Variants in DCLK1 observed in about 807,000 individuals in gnomAD.
DCLK1 encodes the protein serine/threonine-protein kinase DCLK1.
DCLK1 carries 16 observed loss-of-function variants against 86.2 expected under a neutral mutation model. That is an observed-to-expected ratio of 0.19 (90% CI 0.13 to 0.28). DCLK1 has a LOEUF of 0.28. Ranked by LOEUF, DCLK1 falls within the 10% of genes least tolerant of loss-of-function variation. DCLK1 has a pLI of 1.00. For synonymous variants in DCLK1, 369 were observed against 370.5 expected (o/e 1.00, Z 0.05); for missense variants, 590 against 940.2 (o/e 0.63, Z 4.87).
chr13:36,079,868 C>T (rs1486313686), intron 3 of DCLK1, among the ~76,000 whole-genome samples: 2 of 152,156 alleles, frequency 1.3e-5, no homozygotes, highest in African/African-American at 4.8e-5. Context: ...AGTAGCTGTA[C>T]CTTACCCAAT....
chr13:36,015,289 G>A (rs1881497451), intron 3 of DCLK1, among the ~76,000 whole-genome samples: 1 of 152,100 alleles, frequency 6.6e-6, no homozygotes, highest in African/African-American at 2.4e-5. Context: ...CTCCCCATGT[G>A]GGATCCTTCC....
At chr13:36,069,313 TAA>T (rs993575371) in intron 3 of DCLK1, among the ~76,000 whole-genome samples, 1 of 152,198 alleles carries the variant, frequency 6.6e-6, no homozygotes, top group Non-Finnish European at 1.5e-5. Flanking sequence ...GATATTAAAT[TAA>T]GTTTAAATTA....
At chr13:35,793,504 G>T (rs1926459) in intron 15 of DCLK1, 25 bp from the exon 16 acceptor site, 2 of 1,547,608 alleles carry the variant, frequency 1.3e-6, no homozygotes, top group Non-Finnish European at 1.8e-6. Flanking sequence ...ATAAAGAGAA[G>T]AGAAAAAGAA....
rs577828859 is a variant in DCLK1 at position 35,912,868 on chromosome 13, C to T, written c.823+34490G>A. Reference sequence around the variant, plus strand: ...GCAGAGCTAAGATAGCATTGTAACACACCCTCTGGGGTCTTGGGGGTTGCA... The same window carrying T: ...GCAGAGCTAAGATAGCATTGTAACATACCCTCTGGGGTCTTGGGGGTTGCA... On this transcript the variant is annotated intron_variant, in intron 4 of 16. Transcript: ENST00000360631. 3.3e-5 allele frequency among the ~76,000 whole-genome samples: 5 copies of T among 152,274 alleles called. No homozygotes were observed. The East Asian group carries it at 9.7e-4, about 29-fold the overall frequency.
chr13:36,099,480 T>C (rs913621268), intron 3 of DCLK1, among the ~76,000 whole-genome samples: 3 of 152,148 alleles, frequency 2.0e-5, no homozygotes, highest in African/African-American at 7.2e-5. Context: ...TCTCTAGTAA[T>C]GAAACTTGCA....
intron 6 of DCLK1, chr13:35,850,764 G>A: frequency 6.3e-7 from 1 of 1,599,802 alleles, no homozygotes; most frequent in East Asian, 2.3e-5. Flanking sequence ...GAAGAGAGGG[G>A]GCGGTACAGG....
At chr13:35,921,274 T>G (rs1875785491) in intron 4 of DCLK1, among the ~76,000 whole-genome samples, 1 of 152,140 alleles carries the variant, frequency 6.6e-6, no homozygotes, top group Non-Finnish European at 1.5e-5. Flanking sequence ...CCACCTGGAT[T>G]TCCCAGTTCC....
At chr13:36,000,054 T>G (rs181430515) in intron 3 of DCLK1, among the ~76,000 whole-genome samples, 73 of 152,280 alleles carry the variant, frequency 4.8e-4, no homozygotes, top group Middle Eastern at 3.4e-3. Context: ...TTAAGTCAAG[T>G]GAGGCCTTTC....
chr13:35,882,356 A>C (rs1872965872), intron 4 of DCLK1, among the ~76,000 whole-genome samples: 1 of 152,206 alleles, frequency 6.6e-6, no homozygotes, highest in African/African-American at 2.4e-5. Flanking sequence ...CCTTAACTTA[A>C]TTAAACCTGT....
rs1289486179 is a variant in DCLK1, at chr13:35,850,545, T to G, written c.1035+3954A>C. 1.1e-5 allele frequency: 14 copies of G among 1,264,178 alleles called. No individual in the cohort carries two copies. In the Admixed American group the frequency reaches 5.4e-4, roughly 49 times the overall value. 78.3% of individuals were successfully genotyped at this position (1,264,178 alleles called of 1,614,324 possible). A position where few individuals can be genotyped will look rare whatever the true frequency, so the allele number is the denominator to read the frequency against. On this transcript the variant is annotated intron_variant, in intron 6 of 16. Coordinates refer to ENST00000360631, the MANE Select transcript of DCLK1 (RefSeq NM_001330071.2). ...AGATATTTTTAAAAATCTCTCAATT[T>G]CAAGGTTGAACATCACGAAAACAAA...
chr13:36,013,698 C>A (rs900668271), intron 3 of DCLK1, among the ~76,000 whole-genome samples: 1 of 152,134 alleles, frequency 6.6e-6, no homozygotes, highest in African/African-American at 2.4e-5. Context: ...TGTGCCCTGC[C>A]CCCAGAGGTG....
intron 5 of DCLK1, among the ~76,000 whole-genome samples, chr13:35,859,435 A>G (rs532764019): frequency 6.6e-6 from 1 of 152,324 alleles, no homozygotes; most frequent in Non-Finnish European, 1.5e-5. Context: ...TGATACCATG[A>G]TGACCAATTA....
chr13:35,933,619 C>T (rs925737599), intron 4 of DCLK1, among the ~76,000 whole-genome samples: 1 of 152,206 alleles, frequency 6.6e-6, no homozygotes, highest in Non-Finnish European at 1.5e-5. Context: ...TCTGAAGCCA[C>T]AGCCTGAGCT....
chr13:36,023,121 A>G (rs1266279976), intron 3 of DCLK1, among the ~76,000 whole-genome samples: 1 of 152,238 alleles, frequency 6.6e-6, no homozygotes, highest in Non-Finnish European at 1.5e-5. Flanking sequence ...TTCTCCAGAG[A>G]AACAGAATCA....
At chr13:36,043,584 C>T (rs2153155671) in intron 3 of DCLK1, among the ~76,000 whole-genome samples, 1 of 152,190 alleles carries the variant, frequency 6.6e-6, no homozygotes, top group East Asian at 1.9e-4. Context: ...CTCACCAATA[C>T]ATATCATTCG....
chr13:35,953,637 C>T (rs1402674286), intron 3 of DCLK1, among the ~76,000 whole-genome samples: 2 of 152,166 alleles, frequency 1.3e-5, no homozygotes, highest in Admixed American at 6.5e-5. Flanking sequence ...ACTTCCTCTC[C>T]TCTGAGCTTC....
At chr13:35,933,958 T>G (rs539103230) in intron 4 of DCLK1, among the ~76,000 whole-genome samples, 3 of 152,334 alleles carry the variant, frequency 2.0e-5, no homozygotes, top group African/African-American at 7.2e-5. Flanking sequence ...CTGTTTCCCT[T>G]TTAAGTGCTT....
At chr13:36,053,675 G>T (rs1188315117) in intron 3 of DCLK1, among the ~76,000 whole-genome samples, 2 of 151,816 alleles carry the variant, frequency 1.3e-5, no homozygotes, top group Non-Finnish European at 2.9e-5. Context: ...ACATATATAT[G>T]TCATAGGGTG....
intron 2 of DCLK1, among the ~76,000 whole-genome samples, chr13:36,125,330 T>C (rs1384660472): frequency 6.6e-6 from 1 of 152,214 alleles, no homozygotes; most frequent in African/African-American, 2.4e-5. Context: ...AATTAATGGG[T>C]TTGATAGCTA....
Sources: allele counts gnomAD v4.1 joint callset (sites outside exome capture counted in the v4.1 genomes callset), GRCh38; gene constraint gnomAD v4.1.1; transcripts MANE v1.5; gene names NCBI Gene and HGNC (gene_info 2026-07-23, HGNC 2026-07-21).